PLS3: variants seen among roughly 807,000 people sequenced by gnomAD.
PLS3 encodes the protein plastin 3, also known as plastin-3.
Under a neutral mutation model 46.5 loss-of-function variants are expected in PLS3, and 11 were observed. The observed-to-expected ratio is 0.24, with a 90% CI of 0.15 to 0.39. The LOEUF is 0.39. Among genes scored for constraint, PLS3 ranks in the 10% least tolerant of loss-of-function variants. PLS3 has a pLI of 1.00. For missense variants in PLS3, 308 were observed against 461.8 expected (o/e 0.67, Z 3.05); for synonymous variants, 167 against 162.2 (o/e 1.03, Z -0.22).
chrX:115,648,051 C>T lies in PLS3; in HGVS notation c.1760+34C>T, dbSNP rs782252484. ...GACTGCTAATAGTATGAAAAGAACG[C>T]AGCTTTGTAGCTGGACAGATCTGAA... is the stretch of plus-strand genomic sequence containing the variant. On this transcript the variant is annotated intron_variant, in intron 15 of 15. Coordinates refer to ENST00000355899, the MANE Select transcript of PLS3 (RefSeq NM_005032.7). The T allele has an allele frequency of 1.0e-5, 11 of 1,062,577 alleles. No homozygotes were observed. The South Asian group carries it at 1.9e-4, about 18-fold the overall frequency. 87.6% of individuals were successfully genotyped at this position (1,062,577 alleles called of 1,213,427 possible).
intron 1 of PLS3, among the ~76,000 whole-genome samples, chrX:115,574,822 G>A (rs942385978): frequency 4.5e-5 from 5 of 112,079 alleles, no homozygotes; most frequent in African/African-American, 1.3e-4. Context: ...CAGGTAATCC[G>A]CCCACCTCGG....
At chrX:115,596,846 A>C (rs1458626851) in intron 1 of PLS3, among the ~76,000 whole-genome samples, 14 of 108,319 alleles carry the variant, frequency 1.3e-4, no homozygotes, top group Non-Finnish European at 2.7e-4. Flanking sequence ...CAAGAAAATA[A>C]TAATAATATA....
chrX:115,648,850 C>T (rs782415763), intron 15 of PLS3, among the ~76,000 whole-genome samples: 1 of 112,005 alleles, frequency 8.9e-6, no homozygotes, highest in East Asian at 2.8e-4. Context: ...CCTAGAAATA[C>T]TTCACGGATT....
chrX:115,567,706 CTTCTTTTTTT>C (rs1311582224), intron 1 of PLS3, among the ~76,000 whole-genome samples: 3 of 96,853 alleles, frequency 3.1e-5, no homozygotes, highest in African/African-American at 1.2e-4. Flanking sequence ...TTCTTTTCTT[CTTCTTTTTTT>C]TTTTTTTTTT....
intron 1 of PLS3, among the ~76,000 whole-genome samples, chrX:115,583,004 G>A (rs1316448309): frequency 9.0e-6 from 1 of 111,534 alleles, no homozygotes; most frequent in African/African-American, 3.3e-5. Flanking sequence ...TTGCACCACG[G>A]CACTCAGCCT....
At chrX:115,602,291 G>T (rs1206668898) in intron 1 of PLS3, among the ~76,000 whole-genome samples, 5 of 111,852 alleles carry the variant, frequency 4.5e-5, no homozygotes, top group Non-Finnish European at 7.5e-5. Context: ...ACAGTGCCTG[G>T]TACATACTAA....
chrX:115,629,958 T>C lies in PLS3; in HGVS notation c.491T>C (p.Ile164Thr), dbSNP rs1556639026. Residue 164 changes from isoleucine (I) to threonine (T), a missense_variant, in exon 5 of 16, where the codon ATT (isoleucine) becomes ACT (threonine). Ile to Thr is a moderately conservative substitution (Grantham distance 89, BLOSUM62 -1). Transcript: ENST00000355899. The stretch of plus-strand genomic sequence containing the variant: ...CTGTTCAAAGCTGTTGGTGATGGAA[T>C]TGTGCTTTGGTAAGATGTTAGCTTG... ...DDLFKAVGDG[I>T]VLCKMINLSV... 1.7e-6 allele frequency: 2 copies of C among 1,166,914 alleles called. No individual in the cohort carries two copies. The highest frequency in any genetic ancestry group is 2.3e-6 in the Non-Finnish European group (2 of 871,150).
At chrX:115,628,275 C>T (rs1186840510) in intron 3 of PLS3, among the ~76,000 whole-genome samples, 3 of 112,289 alleles carry the variant, frequency 2.7e-5, no homozygotes, top group Admixed American at 9.5e-5. Flanking sequence ...ATATCTGTCA[C>T]GAATGTTAAA....
At chrX:115,612,534 G>T (rs1556636243) in intron 2 of PLS3, among the ~76,000 whole-genome samples, 2 of 110,845 alleles carry the variant, frequency 1.8e-5, no homozygotes, top group South Asian at 3.8e-4. Context: ...TCCTTTTTGT[G>T]GGGGTGGGTT....
In PLS3 at chrX:115,621,234, C is replaced by T. The variant is rs782386966; in HGVS notation, c.74-1012C>T. 3.6e-5 allele frequency among the ~76,000 whole-genome samples: 4 copies of T among 110,246 alleles called. No individual in the cohort carries two copies. The Admixed American group carries it at 3.9e-4, about 11-fold the overall frequency. On this transcript the variant is annotated intron_variant, in intron 2 of 15. Transcript: ENST00000355899. Reference sequence around the variant, plus strand: ...TTCACCATGTTGGCCAGGCTGGTCTCGAACTCCTGGCCTCAGGTGATCCAC... The same window carrying T: ...TTCACCATGTTGGCCAGGCTGGTCTTGAACTCCTGGCCTCAGGTGATCCAC...
At chrX:115,566,791 G>A (rs1556630174) in intron 1 of PLS3, among the ~76,000 whole-genome samples, 2 of 111,256 alleles carry the variant, frequency 1.8e-5, no homozygotes. Context: ...TGATTCTCGT[G>A]CCTCAGCCTC....
chrX:115,606,312 A>C, intron 1 of PLS3, among the ~76,000 whole-genome samples: 1 of 106,184 alleles, frequency 9.4e-6, no homozygotes, highest in Admixed American at 1.0e-4. Flanking sequence ...TAAGTTTTGC[A>C]TTTTTGGTAG....
intron 1 of PLS3, among the ~76,000 whole-genome samples, chrX:115,588,882 TA>T (rs1207232529): frequency 1.8e-5 from 2 of 112,373 alleles, no homozygotes; most frequent in Non-Finnish European, 3.7e-5. Context: ...GCCCCATGTG[TA>T]GTTCGATGTA....
chrX:115,570,418 A>G (rs1321950182), intron 1 of PLS3, among the ~76,000 whole-genome samples: 1 of 110,522 alleles, frequency 9.0e-6, no homozygotes, highest in Admixed American at 9.7e-5. Flanking sequence ...TTTCATTTAC[A>G]GGTTGATTAA....
intron 1 of PLS3, among the ~76,000 whole-genome samples, chrX:115,561,499 C>T (rs186821288): frequency 8.9e-6 from 1 of 111,776 alleles, no homozygotes; most frequent in East Asian, 2.9e-4. Context: ...TAGCATCCGC[C>T]GCAGACACGT....
chrX:115,589,552 A>T (rs1429389738), intron 1 of PLS3, among the ~76,000 whole-genome samples: 1 of 111,798 alleles, frequency 8.9e-6, no homozygotes, highest in Non-Finnish European at 1.9e-5. Context: ...ATAAGTCATG[A>T]AGATGGAAAA....
intron 3 of PLS3, among the ~76,000 whole-genome samples, chrX:115,627,445 CAATG>C (rs1277847130): frequency 1.8e-5 from 2 of 111,860 alleles, no homozygotes; most frequent in Non-Finnish European, 3.8e-5. Flanking sequence ...ACTTATTAGA[CAATG>C]AAGTAGAGTT....
intron 2 of PLS3, among the ~76,000 whole-genome samples, chrX:115,616,728 G>A (rs1220435653): frequency 2.7e-5 from 3 of 111,995 alleles, no homozygotes; most frequent in African/African-American, 9.7e-5. Flanking sequence ...TGTCTCTCAA[G>A]TACTTTACCA....
chrX:115,565,404 A>G (rs1401571414), intron 1 of PLS3, among the ~76,000 whole-genome samples: 8 of 111,592 alleles, frequency 7.2e-5, no homozygotes, highest in African/African-American at 2.6e-4. Flanking sequence ...GTCTGGACAG[A>G]TAGATTATCT....
Sources: allele counts gnomAD v4.1 joint callset (sites outside exome capture counted in the v4.1 genomes callset), GRCh38; gene constraint gnomAD v4.1.1; transcripts MANE v1.5; gene names NCBI Gene and HGNC (gene_info 2026-07-23, HGNC 2026-07-21).